MYO1E: variants seen among roughly 807,000 people sequenced by gnomAD.
The protein encoded by MYO1E is myosin IE.
Under a neutral mutation model 151.1 loss-of-function variants are expected in MYO1E, and 68 were observed. That is an observed-to-expected ratio of 0.45 (90% CI 0.37 to 0.55). The LOEUF is 0.55. MYO1E is among the 20% of genes least tolerant of loss of function. The pLI, the probability that MYO1E is intolerant of heterozygous loss-of-function variation, is 0.00. For missense variants in MYO1E, 1,363 were observed against 1,389.3 expected (o/e 0.98, Z 0.30); for synonymous variants, 601 against 501.7 (o/e 1.20, Z -2.64).
chr15:59,262,433 A>G (rs894178327), intron 2 of MYO1E, among the ~76,000 whole-genome samples: 9 of 152,080 alleles, frequency 5.9e-5, no homozygotes, highest in Admixed American at 1.3e-4. Flanking sequence ...CCTGGGCAAC[A>G]TAGCAAAACT....
In MYO1E at chr15:59,227,802, A is replaced by G. The variant is rs1596375273; in HGVS notation, c.511-212T>C. 3.3e-5 allele frequency among the ~76,000 whole-genome samples: 5 copies of G among 152,218 alleles called. 1 individual carries two copies. Among genetic ancestry groups the G allele is most frequent in the Admixed American group, 3.3e-4 (5 of 15,286 alleles). ...CACGATTCTGTTAGAGAGAGCACCT[A>G]TCATTCCAGCATGACTAAATAAGGA... On this transcript the variant is annotated intron_variant, in intron 6 of 27. Transcript: ENST00000288235.
intron 1 of MYO1E, among the ~76,000 whole-genome samples, chr15:59,296,932 C>T (rs536913511): frequency 7.0e-6 from 1 of 142,644 alleles, no homozygotes; most frequent in South Asian, 2.4e-4. Context: ...CTCCGCCTCC[C>T]GGGTTCACGC....
At chr15:59,319,957 C>T (rs2080615549) in intron 1 of MYO1E, among the ~76,000 whole-genome samples, 1 of 152,214 alleles carries the variant, frequency 6.6e-6, no homozygotes, top group South Asian at 2.1e-4. Context: ...CCACCTCGAA[C>T]TGACAAGTGA....
chr15:59,140,679 C>T (rs907722665), intron 26 of MYO1E, among the ~76,000 whole-genome samples: 1 of 152,196 alleles, frequency 6.6e-6, no homozygotes, highest in Admixed American at 6.5e-5. Context: ...GCTGGCCTTG[C>T]CCAGGTCCTG....
intron 1 of MYO1E, among the ~76,000 whole-genome samples, chr15:59,317,798 G>A (rs2080598774): frequency 6.6e-6 from 1 of 152,208 alleles, no homozygotes; most frequent in African/African-American, 2.4e-5. Context: ...TGGTGTGACA[G>A]AGCGAGGGCG....
chr15:59,139,219 T>C lies in MYO1E; in HGVS notation c.3081-852A>G, dbSNP rs150237271. 2.5e-3 allele frequency among the ~76,000 whole-genome samples: 381 copies of C among 150,486 alleles called. 1 individual carries two copies. The highest frequency in any genetic ancestry group is 0.016 in the East Asian group (81 of 5,030). ...CTCCCACCAGTTCATTATTACTCCT[T>C]AGACTTCCCTCCCATCCCTCATTAT... On this transcript the variant is annotated intron_variant, in intron 26 of 27. Transcript: ENST00000288235.
At chr15:59,232,768 T>C (rs2080036002) in intron 5 of MYO1E, among the ~76,000 whole-genome samples, 1 of 152,222 alleles carries the variant, frequency 6.6e-6, no homozygotes, top group Admixed American at 6.5e-5. Context: ...GTCTGCAGTC[T>C]GGCTACTAGG....
chr15:59,192,184 G>A (rs750811643), intron 17 of MYO1E, among the ~76,000 whole-genome samples: 30 of 151,132 alleles, frequency 2.0e-4, no homozygotes, highest in Non-Finnish European at 3.8e-4. Context: ...CCAGAAAGCG[G>A]TCTTACTGGA....
chr15:59,179,734 A>G (rs1484972116), intron 18 of MYO1E, among the ~76,000 whole-genome samples: 2 of 152,234 alleles, frequency 1.3e-5, no homozygotes, highest in African/African-American at 4.8e-5. Flanking sequence ...TCACATTTAA[A>G]TATTTCTTTT....
intron 1 of MYO1E, among the ~76,000 whole-genome samples, chr15:59,278,891 C>G (rs191169686): frequency 5.3e-5 from 8 of 152,240 alleles, no homozygotes; most frequent in Non-Finnish European, 4.4e-5. Context: ...AATTTCTGCA[C>G]TATTTTACAA....
At chr15:59,268,720 A>AT (rs398027512) in intron 2 of MYO1E, among the ~76,000 whole-genome samples, 1,137 of 44,902 alleles carry the variant, frequency 0.025, 215 homozygotes, top group African/African-American at 0.06. Flanking sequence ...TGACTTTGGT[A>AT]TTTTTTTTTT....
intron 26 of MYO1E, among the ~76,000 whole-genome samples, chr15:59,141,153 G>C (rs1411256361): frequency 3.9e-5 from 6 of 152,134 alleles, no homozygotes; most frequent in African/African-American, 1.4e-4. Context: ...AGGGGATGGC[G>C]GCGGGCATTA....
chr15:59,334,055 G>A (rs1476986559), intron 1 of MYO1E, among the ~76,000 whole-genome samples: 3 of 152,180 alleles, frequency 2.0e-5, no homozygotes, highest in Non-Finnish European at 4.4e-5. Context: ...AATGTTTTGG[G>A]AGACCAAAGT....
intron 3 of MYO1E, among the ~76,000 whole-genome samples, chr15:59,256,999 C>T (rs1170496781): frequency 5.3e-5 from 8 of 152,106 alleles, no homozygotes; most frequent in African/African-American, 1.9e-4. Context: ...AAAAAAAAAT[C>T]CTACCACGCT....
chr15:59,139,730 CTCAT>C (rs1252030292), intron 26 of MYO1E, among the ~76,000 whole-genome samples: 1 of 151,184 alleles, frequency 6.6e-6, no homozygotes, highest in Non-Finnish European at 1.5e-5. Context: ...CTCCTACCTC[CTCAT>C]TATTACTCCT....
At chr15:59,188,422 G>A (rs150559418) in intron 17 of MYO1E, among the ~76,000 whole-genome samples, 13 of 152,232 alleles carry the variant, frequency 8.5e-5, no homozygotes, top group African/African-American at 2.9e-4. Flanking sequence ...TAGGCTGGGC[G>A]CAGTGGCTCA....
intron 1 of MYO1E, among the ~76,000 whole-genome samples, chr15:59,285,843 C>T (rs1438453950): frequency 1.3e-5 from 2 of 152,162 alleles, no homozygotes; most frequent in Non-Finnish European, 2.9e-5. Context: ...AAAGTAATTG[C>T]GGTTTTTGCC....
Position 59,158,387 on chromosome 15 carries a change from A to G in MYO1E, c.2786-8T>C, listed in dbSNP as rs1455016590. The G allele has an allele frequency of 1.9e-6, 3 of 1,548,668 alleles. No homozygotes were observed. Among genetic ancestry groups the G allele is most frequent in the Non-Finnish European group, 2.6e-6 (3 of 1,143,094 alleles). ...TGTTCCTTCTGGTAGGACCTGAAAT[A>G]AACAAGACAAAGTTAAAACCAGTGC... On this transcript the variant is annotated splice_region_variant and splice_polypyrimidine_tract_variant and intron_variant, in intron 24 of 27. Coordinates refer to ENST00000288235, the MANE Select transcript of MYO1E (RefSeq NM_004998.4).
At chr15:59,223,338 A>C in intron 8 of MYO1E, 147 bp from the exon 9 acceptor site, 10 of 1,033,682 alleles carry the variant, frequency 9.7e-6, no homozygotes, top group Non-Finnish European at 1.4e-5. Context: ...AAAAGCCAAA[A>C]CATAAGATTG....
Sources: allele counts gnomAD v4.1 joint callset (sites outside exome capture counted in the v4.1 genomes callset), GRCh38; gene constraint gnomAD v4.1.1; transcripts MANE v1.5; gene names NCBI Gene and HGNC (gene_info 2026-07-23, HGNC 2026-07-21).